The following CDC42BPA variants were observed in gnomAD, a reference collection of about 807,000 sequenced individuals.
CDC42BPA encodes serine/threonine-protein kinase MRCK alpha.
CDC42BPA carries 80 observed loss-of-function variants against 223.5 expected under a neutral mutation model. The ratio of observed to expected loss-of-function variants is 0.36; its 90% CI spans 0.30 to 0.43. CDC42BPA has a LOEUF of 0.43. Ranked by LOEUF, CDC42BPA falls within the 20% of genes least tolerant of loss-of-function variation. The pLI is 1.00. For missense variants in CDC42BPA, 1,743 were observed against 2,099.9 expected (o/e 0.83, Z 3.32); for synonymous variants, 694 against 718.6 (o/e 0.97, Z 0.55).
At chr1:227,179,635 CAAAAAAAAAAAAAA>C (rs59744442) in intron 5 of CDC42BPA, among the ~76,000 whole-genome samples, 1 of 34,242 alleles carries the variant, frequency 2.9e-5, no homozygotes, top group Non-Finnish European at 4.9e-5. Context: ...GCCTCCATCT[CAAAAAAAAAAAAAA>C]AAAAAAAAAA....
intron 3 of CDC42BPA, among the ~76,000 whole-genome samples, chr1:227,201,091 A>G (rs1378711606): frequency 6.6e-6 from 1 of 152,126 alleles, no homozygotes; most frequent in Non-Finnish European, 1.5e-5. Flanking sequence ...TTCCACTACT[A>G]TAAAAGTATA....
intron 1 of CDC42BPA, among the ~76,000 whole-genome samples, chr1:227,261,124 C>CTTTCTTTCTTTTTTTTTTTTTTTTTTT (rs386417862): frequency 8.3e-6 from 1 of 121,002 alleles, no homozygotes; most frequent in Non-Finnish European, 1.7e-5. Flanking sequence ...TTGAGTTTTT[C>CTTTCTTTCTTTTTTTTTTTTTTTTTTT]TTTTTTTTTG....
At chr1:227,216,129 TATATAC>T (rs201465518) in intron 2 of CDC42BPA, among the ~76,000 whole-genome samples, 1 of 136,930 alleles carries the variant, frequency 7.3e-6, no homozygotes, top group East Asian at 2.3e-4. Flanking sequence ...TCTATATATA[TATATAC>T]ACACACACAC....
In CDC42BPA at chr1:227,143,005, G is replaced by A. The variant is rs771728746; in HGVS notation, c.1163C>T (p.Thr388Ile). ...ATGGTGGCCAGAAAATGCAGTATGT[G>A]TTGGTGGGGGCATCGTTTCCTAAAG... ...LKNSETMPPP[T>I]HTAFSGHHLP... The change falls in exon 9 of 37, where the codon ACA becomes ATA. Residue 388 changes from threonine (T) to isoleucine (I), a missense_variant. Coordinates refer to ENST00000366766, the MANE Select transcript of CDC42BPA (RefSeq NM_001394014.1). 3 of 1,531,486 alleles carry A rather than the reference G, an allele frequency of 2.0e-6. No individual in the cohort carries two copies. Among genetic ancestry groups the A allele is most frequent in the Non-Finnish European group, 2.6e-6 (3 of 1,149,044 alleles). The allele number at this position is 1,531,486 out of a possible 1,614,324, so 94.9% of individuals were successfully genotyped here. A position where few individuals can be genotyped will look rare whatever the true frequency, so the allele number is the denominator to read the frequency against.
chr1:227,239,089 A>T (rs930078267), intron 2 of CDC42BPA, among the ~76,000 whole-genome samples: 1 of 152,264 alleles, frequency 6.6e-6, no homozygotes, highest in Non-Finnish European at 1.5e-5. Context: ...AATATTATTC[A>T]GCACTAAAAA....
intron 24 of CDC42BPA, among the ~76,000 whole-genome samples, chr1:227,036,759 C>A (rs971297210): frequency 2.0e-5 from 3 of 152,094 alleles, no homozygotes; most frequent in Non-Finnish European, 4.4e-5. Context: ...GAGTATCTAG[C>A]AAGTTATGAT....
chr1:227,036,421 C>CTTTTT (rs56254464), intron 24 of CDC42BPA, among the ~76,000 whole-genome samples: 12 of 71,156 alleles, frequency 1.7e-4, no homozygotes, highest in Admixed American at 1.9e-4. Flanking sequence ...CTTCAATTCA[C>CTTTTT]TTTTTTTTTT....
At chr1:227,088,799 C>T (rs1682487402) in intron 16 of CDC42BPA, among the ~76,000 whole-genome samples, 1 of 152,220 alleles carries the variant, frequency 6.6e-6, no homozygotes, top group Admixed American at 6.5e-5. Context: ...GATCTCGGCT[C>T]ACTGCTACCT....
At chr1:227,107,647 T>C (rs1305050176) in intron 14 of CDC42BPA, among the ~76,000 whole-genome samples, 1 of 152,248 alleles carries the variant, frequency 6.6e-6, no homozygotes, top group African/African-American at 2.4e-5. Context: ...TGAAGTGGTG[T>C]GGTCTTGGAC....
intron 31 of CDC42BPA, among the ~76,000 whole-genome samples, chr1:227,023,707 A>G (rs910543428): frequency 1.3e-5 from 2 of 152,210 alleles, no homozygotes; most frequent in African/African-American, 4.8e-5. Flanking sequence ...AAATGCATAC[A>G]TATGATGGAG....
chr1:227,106,204 A>AT (rs1292533534), intron 14 of CDC42BPA, among the ~76,000 whole-genome samples: 1 of 152,048 alleles, frequency 6.6e-6, no homozygotes, highest in African/African-American at 2.4e-5. Context: ...AATGTTGAGC[A>AT]TTTTTTAATT....
chr1:227,252,358 C>T (rs1487628417), intron 2 of CDC42BPA, among the ~76,000 whole-genome samples: 1 of 151,994 alleles, frequency 6.6e-6, no homozygotes, highest in Non-Finnish European at 1.5e-5. Context: ...ATACACAGAA[C>T]AAGTCATTTT....
intron 5 of CDC42BPA, among the ~76,000 whole-genome samples, chr1:227,167,318 T>C (rs1474161529): frequency 6.6e-6 from 1 of 152,192 alleles, no homozygotes; most frequent in South Asian, 2.1e-4. Context: ...CAAAAGTTTT[T>C]TTTTGGCTTT....
chr1:227,173,272 T>C (rs558267694), intron 5 of CDC42BPA, among the ~76,000 whole-genome samples: 156 of 152,248 alleles, frequency 1.0e-3, no homozygotes, highest in Non-Finnish European at 1.7e-3. Flanking sequence ...CCAAATATCA[T>C]AGGAAAGCTT....
At chr1:227,275,231 AT>A (rs1178068253) in intron 1 of CDC42BPA, among the ~76,000 whole-genome samples, 3 of 152,238 alleles carry the variant, frequency 2.0e-5, no homozygotes, top group Non-Finnish European at 2.9e-5. Flanking sequence ...CAGGTCAAAA[AT>A]AAAAATTAGA....
At chr1:227,039,771 G>A (rs898668782) in intron 24 of CDC42BPA, among the ~76,000 whole-genome samples, 2 of 151,926 alleles carry the variant, frequency 1.3e-5, no homozygotes, top group African/African-American at 4.8e-5. Flanking sequence ...CATAGTGGCA[G>A]ACATTTAATA....
intron 14 of CDC42BPA, among the ~76,000 whole-genome samples, chr1:227,107,592 G>A (rs1403404905): frequency 1.3e-5 from 2 of 152,114 alleles, no homozygotes; most frequent in Admixed American, 6.6e-5. Flanking sequence ...AGTTTGGGAA[G>A]GATTGCTGTT....
intron 8 of CDC42BPA, among the ~76,000 whole-genome samples, chr1:227,144,811 G>T (rs1660414976): frequency 6.6e-6 from 1 of 152,014 alleles, no homozygotes; most frequent in South Asian, 2.1e-4. Context: ...CCTCAGGCAG[G>T]GCTATACCTC....
chr1:227,088,865 A>G (rs1318333401), intron 16 of CDC42BPA, among the ~76,000 whole-genome samples: 2 of 152,086 alleles, frequency 1.3e-5, no homozygotes, highest in East Asian at 3.9e-4. Flanking sequence ...AGATGAGACT[A>G]CAGGCACGTG....
Sources: allele counts gnomAD v4.1 joint callset (sites outside exome capture counted in the v4.1 genomes callset), GRCh38; gene constraint gnomAD v4.1.1; transcripts MANE v1.5; gene names NCBI Gene and HGNC (gene_info 2026-07-23, HGNC 2026-07-21).